Variants in CAMK1D observed in about 807,000 individuals in gnomAD.
The protein encoded by CAMK1D is calcium/calmodulin dependent protein kinase ID.
CAMK1D carries 9 observed loss-of-function variants against 47.7 expected under a neutral mutation model. The ratio of observed to expected loss-of-function variants is 0.19; its 90% CI spans 0.11 to 0.33. CAMK1D has a LOEUF of 0.33. Ranked by LOEUF, CAMK1D falls within the 10% of genes least tolerant of loss-of-function variation. The probability of loss-of-function intolerance (pLI) is 1.00; values close to 1 mark genes in which losing one functional copy is unlikely to be tolerated. For synonymous variants in CAMK1D, 184 were observed against 184.9 expected (o/e 0.99, Z 0.04); for missense variants, 291 against 488.7 (o/e 0.60, Z 3.81).
At chr10:12,702,872 T>C (rs535577860) in intron 3 of CAMK1D, among the ~76,000 whole-genome samples, 1 of 152,278 alleles carries the variant, frequency 6.6e-6, no homozygotes, top group Non-Finnish European at 1.5e-5. Context: ...AGCCCGAAGG[T>C]CATCAGGAGT....
At chr10:12,758,864 C>G (rs1206169932) in intron 3 of CAMK1D, among the ~76,000 whole-genome samples, 1 of 152,192 alleles carries the variant, frequency 6.6e-6, no homozygotes, top group Non-Finnish European at 1.5e-5. Context: ...GCAGGCAGAA[C>G]AGTGAGAAGC....
rs1291892171 is a variant in CAMK1D, at chr10:12,828,499, G to A, written c.1040-270G>A. Among the ~76,000 whole-genome samples the A allele has an allele frequency of 1.6e-4, 24 of 152,212 alleles. No homozygotes were observed. The East Asian group carries it at 2.7e-3, about 17-fold the overall frequency. ...CTACTAAAAATACAAAAATTAGCCC[G>A]GCGTGGTGGTGAGCCCCTGTAATCC... is the stretch of plus-strand genomic sequence containing the variant. On this transcript the variant is annotated intron_variant, in intron 10 of 10. Coordinates refer to ENST00000619168, the MANE Select transcript of CAMK1D (RefSeq NM_153498.4).
In CAMK1D at chr10:12,627,238, C is replaced by T. The variant is rs185094985; in HGVS notation, c.225-39498C>T. ...CTGGGACTACAGGTGCCTGCCACCA[C>T]GCCCAGCTAATTTTTTTGTATTTTT... On this transcript the variant is annotated intron_variant, in intron 2 of 10. Transcript: ENST00000619168. Among the ~76,000 whole-genome samples, 81 of 151,986 alleles carry T rather than the reference C, an allele frequency of 5.3e-4. 1 individual carries two copies. The East Asian group carries it at 9.5e-3, about 18-fold the overall frequency.
intron 3 of CAMK1D, among the ~76,000 whole-genome samples, chr10:12,735,753 C>T (rs530525893): frequency 2.6e-5 from 4 of 151,470 alleles, no homozygotes; most frequent in South Asian, 2.1e-4. Context: ...TTCTAATCCC[C>T]GAAGAGTTAT....
At chr10:12,720,571 A>C (rs1834331725) in intron 3 of CAMK1D, among the ~76,000 whole-genome samples, 1 of 152,202 alleles carries the variant, frequency 6.6e-6, no homozygotes, top group African/African-American at 2.4e-5. Flanking sequence ...GACTGTTGAC[A>C]CATTCTCTAA....
intron 1 of CAMK1D, among the ~76,000 whole-genome samples, chr10:12,391,990 C>CACAT (rs1319497334): frequency 4.3e-4 from 58 of 135,666 alleles, no homozygotes; most frequent in African/African-American, 1.4e-3. Context: ...CACACACACA[C>CACAT]ACACACACAC....
At chr10:12,579,127 G>A (rs888092865) in intron 2 of CAMK1D, among the ~76,000 whole-genome samples, 2 of 152,100 alleles carry the variant, frequency 1.3e-5, no homozygotes, top group Non-Finnish European at 2.9e-5. Context: ...GTGTGGGAGC[G>A]CGAGGAGTCC....
At chr10:12,439,007 T>C (rs1188058459) in intron 1 of CAMK1D, among the ~76,000 whole-genome samples, 1 of 152,198 alleles carries the variant, frequency 6.6e-6, no homozygotes, top group African/African-American at 2.4e-5. Flanking sequence ...TGCAGGCTCT[T>C]TCCTGTCTCT....
At chr10:12,479,304 C>G (rs534879263) in intron 1 of CAMK1D, among the ~76,000 whole-genome samples, 21 of 152,070 alleles carry the variant, frequency 1.4e-4, no homozygotes, top group Non-Finnish European at 2.6e-4. Flanking sequence ...TCAAGTGATT[C>G]TCCTGCCTCA....
At chr10:12,503,472 G>T (rs1010306779) in intron 1 of CAMK1D, among the ~76,000 whole-genome samples, 1 of 152,202 alleles carries the variant, frequency 6.6e-6, no homozygotes, top group Non-Finnish European at 1.5e-5. Context: ...CAGGTGAGGC[G>T]AAGAGGCCAG....
intron 1 of CAMK1D, among the ~76,000 whole-genome samples, chr10:12,529,620 G>A (rs1835740025): frequency 6.6e-6 from 1 of 152,186 alleles, no homozygotes; most frequent in South Asian, 2.1e-4. Flanking sequence ...GGGTCTGTGA[G>A]TCTGTTTTCT....
At chr10:12,724,661 T>C (rs575926741) in intron 3 of CAMK1D, among the ~76,000 whole-genome samples, 1 of 152,356 alleles carries the variant, frequency 6.6e-6, no homozygotes. Context: ...ATTAATACTT[T>C]GAGGAGCTTG....
At chr10:12,696,039 T>C (rs1271246416) in intron 3 of CAMK1D, among the ~76,000 whole-genome samples, 5 of 152,068 alleles carry the variant, frequency 3.3e-5, no homozygotes, top group Middle Eastern at 3.4e-3. Context: ...GATTGCGCCA[T>C]TGCACTCCAG....
At chr10:12,490,836 C>T (rs148913661) in intron 1 of CAMK1D, among the ~76,000 whole-genome samples, 96 of 152,166 alleles carry the variant, frequency 6.3e-4, no homozygotes, top group Middle Eastern at 3.4e-3. Context: ...CAAATGTTTG[C>T]GCGTGATAGA....
At chr10:12,548,199 G>T (rs577490327) in intron 1 of CAMK1D, among the ~76,000 whole-genome samples, 7 of 152,152 alleles carry the variant, frequency 4.6e-5, no homozygotes, top group Non-Finnish European at 7.3e-5. Context: ...TCATGGGGTC[G>T]CTGTAAGGAG....
chr10:12,732,300 A>T (rs577501793), intron 3 of CAMK1D, among the ~76,000 whole-genome samples: 18 of 152,168 alleles, frequency 1.2e-4, no homozygotes, highest in Non-Finnish European at 1.6e-4. Context: ...GGTCATCTCC[A>T]TGCATGTTGA....
intron 2 of CAMK1D, among the ~76,000 whole-genome samples, chr10:12,622,927 G>A (rs987611074): frequency 7.9e-5 from 12 of 151,912 alleles, no homozygotes; most frequent in Non-Finnish European, 1.6e-4. Flanking sequence ...AAGCACTGTG[G>A]TGTAAAGCGC....
intron 3 of CAMK1D, among the ~76,000 whole-genome samples, chr10:12,750,337 A>T (rs115547102): frequency 0.018 from 2,702 of 152,254 alleles, 63 homozygotes; most frequent in African/African-American, 0.053. Flanking sequence ...CCTTTAGCAG[A>T]TCATTCTAAA....
chr10:12,508,895 G>A (rs1407930834), intron 1 of CAMK1D, among the ~76,000 whole-genome samples: 4 of 152,150 alleles, frequency 2.6e-5, no homozygotes, highest in Non-Finnish European at 5.9e-5. Flanking sequence ...ACATTCATAA[G>A]CCACAAGGAC....
Sources: gnomAD v4.1 joint callset for allele counts (sites outside exome capture counted in the v4.1 genomes callset) on GRCh38, gnomAD v4.1.1 for gene constraint, MANE v1.5 for transcripts, NCBI Gene and HGNC (gene_info 2026-07-23, HGNC 2026-07-21) for gene names.